The following ACSS3 variants were observed in gnomAD, a reference collection of about 807,000 sequenced individuals.
The protein encoded by ACSS3 is acyl-CoA synthetase short-chain family member 3, mitochondrial.
ACSS3 carries 64 observed loss-of-function variants against 84.2 expected under a neutral mutation model. That is an observed-to-expected ratio of 0.76 (90% CI 0.62 to 0.94). ACSS3 has a LOEUF of 0.94. ACSS3 is among the 40% of genes least tolerant of loss of function. ACSS3 has a pLI of 0.00. For synonymous variants in ACSS3, 317 were observed against 310.1 expected (o/e 1.02, Z -0.23); for missense variants, 815 against 867.6 (o/e 0.94, Z 0.76).
intron 1 of ACSS3, 115 bp from the exon 2 acceptor site, chr12:81,109,445 A>C: frequency 1.7e-6 from 2 of 1,147,312 alleles, no homozygotes; most frequent in Non-Finnish European, 2.4e-6. Flanking sequence ...CATAGAATGC[A>C]CTAGGAAACA....
intron 13 of ACSS3, among the ~76,000 whole-genome samples, chr12:81,250,481 C>A (rs150758522): frequency 1.5e-3 from 223 of 152,088 alleles, no homozygotes; most frequent in African/African-American, 5.1e-3. Context: ...TTAAAATACT[C>A]CTTGCTTTTA....
At chr12:81,119,331 C>T (rs1884353417) in intron 2 of ACSS3, among the ~76,000 whole-genome samples, 1 of 152,084 alleles carries the variant, frequency 6.6e-6, no homozygotes, top group Admixed American at 6.6e-5. Context: ...ATCAAAAACT[C>T]CTGATAAGGG....
intron 1 of ACSS3, chr12:81,104,940 G>A (rs1882850953): frequency 6.6e-6 from 1 of 152,078 alleles, no homozygotes; most frequent in South Asian, 2.1e-4. Flanking sequence ...ATTGCATAGT[G>A]GTGAAATCTG....
chr12:81,162,784 T>C (rs1266933848), intron 7 of ACSS3, among the ~76,000 whole-genome samples: 2 of 152,102 alleles, frequency 1.3e-5, no homozygotes, highest in Non-Finnish European at 2.9e-5. Context: ...CCTGTGCTCG[T>C]TGACACCCAG....
intron 9 of ACSS3, among the ~76,000 whole-genome samples, chr12:81,206,827 C>T (rs1359382911): frequency 1.3e-5 from 2 of 152,112 alleles, no homozygotes; most frequent in Non-Finnish European, 2.9e-5. Context: ...CTTTCTCTTT[C>T]TGAAAGTGAA....
chr12:81,115,729 C>T (rs1256117767), intron 2 of ACSS3, among the ~76,000 whole-genome samples: 1 of 152,084 alleles, frequency 6.6e-6, no homozygotes, highest in East Asian at 1.9e-4. Flanking sequence ...GAAGACCTTA[C>T]CAATATTTGA....
At chr12:81,111,429 T>C (rs2400870) in intron 2 of ACSS3, among the ~76,000 whole-genome samples, 6,282 of 152,218 alleles carry the variant, frequency 0.041, 317 homozygotes, top group African/African-American at 0.12. Flanking sequence ...AGGCCACTGG[T>C]GGCAGGCTGG....
intron 13 of ACSS3, among the ~76,000 whole-genome samples, chr12:81,236,156 TA>T (rs1332719886): frequency 6.8e-6 from 1 of 147,140 alleles, no homozygotes; most frequent in Non-Finnish European, 1.5e-5. Flanking sequence ...GCTGAAGTGT[TA>T]TTTTTAATTA....
chr12:81,127,630 T>A (rs1356739572), intron 2 of ACSS3, among the ~76,000 whole-genome samples: 1 of 152,224 alleles, frequency 6.6e-6, no homozygotes, highest in Non-Finnish European at 1.5e-5. Flanking sequence ...ATTAGTTTTA[T>A]TTTTTGTTAC....
intron 7 of ACSS3, among the ~76,000 whole-genome samples, chr12:81,160,591 G>A (rs1887102656): frequency 6.6e-6 from 1 of 151,942 alleles, no homozygotes; most frequent in Non-Finnish European, 1.5e-5. Flanking sequence ...AAAATGAGAG[G>A]GTTGACACAC....
intron 1 of ACSS3, among the ~76,000 whole-genome samples, chr12:81,084,227 G>C (rs1881174996): frequency 6.6e-6 from 1 of 152,200 alleles, no homozygotes; most frequent in Non-Finnish European, 1.5e-5. Flanking sequence ...GTGATAGGAT[G>C]AAAGTATTAT....
At chr12:81,163,944 A>T (rs1887280134) in intron 7 of ACSS3, among the ~76,000 whole-genome samples, 1 of 152,238 alleles carries the variant, frequency 6.6e-6, no homozygotes, top group Non-Finnish European at 1.5e-5. Context: ...CAGTAAGCCA[A>T]GTTTAATTTA....
chr12:81,190,632 G>T (rs2031521099), intron 8 of ACSS3, among the ~76,000 whole-genome samples: 1 of 151,968 alleles, frequency 6.6e-6, no homozygotes, highest in Admixed American at 6.6e-5. Context: ...CTCCAGTAAA[G>T]TATTTAATAG....
intron 2 of ACSS3, among the ~76,000 whole-genome samples, chr12:81,115,532 C>T (rs775708961): frequency 6.6e-6 from 1 of 152,086 alleles, no homozygotes; most frequent in South Asian, 2.1e-4. Flanking sequence ...AACTCCTGGG[C>T]TCAAGCAATC....
At position 81,253,618 on chromosome 12, in the gene ACSS3, G is replaced by T; in HGVS notation, c.1943G>T (p.Gly648Val). Residue 648 changes from glycine (G) to valine (V), a missense_variant, in exon 15 of 16, where the codon GGC becomes GTC. By Grantham distance (109) the Gly-to-Val change is moderately radical (BLOSUM62 -3). Transcript: ENST00000548058. ...AAACAGCTACCCAAAACCAGATCTG[G>T]CAAGATCCCCCGATCAGCTTTATCT... is the stretch of plus-strand genomic sequence containing the variant. ...FVKQLPKTRSGKIPRSALSAI... is the reference protein window; with the variant it reads ...FVKQLPKTRSVKIPRSALSAI... 1 of 1,613,876 alleles carries T rather than the reference G, an allele frequency of 6.2e-7. No homozygotes were observed. Among genetic ancestry groups the T allele is most frequent in the Non-Finnish European group, 8.5e-7 (1 of 1,179,880 alleles).
chr12:81,199,619 T>C, intron 9 of ACSS3, 175 bp downstream of exon 9: 2 of 1,495,208 alleles, frequency 1.3e-6, no homozygotes, highest in East Asian at 2.6e-5. Context: ...TAATAATGTC[T>C]TCATAAGTGA....
At position 81,256,489 on chromosome 12, in the gene ACSS3, G is replaced by T. The variant is rs1280930698; in HGVS notation, c.*1567G>T. 1.3e-5 allele frequency: 2 copies of T among 152,168 alleles called. No individual in the cohort carries two copies. Among genetic ancestry groups the T allele is most frequent in the Non-Finnish European group, 2.9e-5 (2 of 67,988 alleles). 9.4% of individuals were successfully genotyped at this position (152,168 alleles called of 1,614,324 possible). On this transcript the variant is annotated 3_prime_UTR_variant, in exon 16 of 16. Coordinates refer to ENST00000548058, the MANE Select transcript of ACSS3 (RefSeq NM_024560.4). ...GATCTATATGACATCAGTTATCAAA[G>T]AATACATTTTAACCCAAAAGTATAC...
intron 1 of ACSS3, among the ~76,000 whole-genome samples, chr12:81,103,273 A>C (rs1257460165): frequency 6.6e-6 from 1 of 152,204 alleles, no homozygotes; most frequent in Non-Finnish European, 1.5e-5. Flanking sequence ...AAAGAATAGG[A>C]AATACTCTAA....
chr12:81,081,764 T>G (rs1356076458), intron 1 of ACSS3, among the ~76,000 whole-genome samples: 1 of 152,198 alleles, frequency 6.6e-6, no homozygotes. Flanking sequence ...CAATATGTAT[T>G]AACAGTGACT....
Sources: allele counts gnomAD v4.1 joint callset (sites outside exome capture counted in the v4.1 genomes callset), GRCh38; gene constraint gnomAD v4.1.1; transcripts MANE v1.5; gene names NCBI Gene and HGNC (gene_info 2026-07-23, HGNC 2026-07-21).